Variants in RIPOR1 observed in about 807,000 individuals in gnomAD.
RIPOR1 encodes RHO family interacting cell polarization regulator 1.
A neutral mutation model predicts 116.5 loss-of-function variants in RIPOR1; 58 were observed. That is an observed-to-expected ratio of 0.50 (90% confidence interval 0.40 to 0.62). The LOEUF (loss-of-function observed/expected upper bound fraction) is 0.62. RIPOR1 is among the 20% of genes least tolerant of loss of function. The pLI is 0.00. For synonymous variants in RIPOR1, 605 were observed against 650.0 expected (o/e 0.93, Z 1.05); for missense variants, 1,372 against 1,586.2 (o/e 0.86, Z 2.29).
rs2050966499 is a variant in RIPOR1 at position 67,541,063 on chromosome 16, T to G, written c.801+359T>G. Among the ~76,000 whole-genome samples, 1 of 151,896 alleles carries G rather than the reference T, an allele frequency of 6.6e-6. No homozygotes were observed. The highest frequency in any genetic ancestry group is 2.1e-4 in the South Asian group (1 of 4,820). On this transcript the variant is annotated intron_variant, in intron 10 of 21. Coordinates refer to ENST00000042381, the MANE Select transcript of RIPOR1 (RefSeq NM_024519.4). The surrounding 1 kb of genome is among the most constrained non-coding windows in gnomAD (Gnocchi z 4.6). ...ATCCATGGCTCCATGAGCATGCATG[T>G]GTCTGTCTATCTATCTAGGAGTTGG...
chr16:67,536,687 C>G (rs755525678), intron 1 of RIPOR1, among the ~76,000 whole-genome samples: 1 of 152,038 alleles, frequency 6.6e-6, no homozygotes, highest in Non-Finnish European at 1.5e-5. Context: ...GCATCCAGTT[C>G]CTTCTCTGCA....
At chr16:67,546,071 C>A in intron 20 of RIPOR1, 39 bp downstream of exon 20, 1 of 1,606,722 alleles carries the variant, frequency 6.2e-7, no homozygotes, top group Non-Finnish European at 8.5e-7. Flanking sequence ...TGTCCGCTTC[C>A]GGCACCCCCA....
chr16:67,520,660 GCA>G (rs2050487987), intron 1 of RIPOR1, among the ~76,000 whole-genome samples: 1 of 151,774 alleles, frequency 6.6e-6, no homozygotes, highest in Non-Finnish European at 1.5e-5. Flanking sequence ...AATTAGCTGG[GCA>G]TGGGGTGTGC....
Position 67,529,883 on chromosome 16 carries a change from AC to A in RIPOR1, c.-24+970del, listed in dbSNP as rs1447998562. On this transcript the variant is annotated intron_variant, in intron 1 of 21. Transcript: ENST00000042381. The surrounding 1 kb of genome is among the most constrained non-coding windows in gnomAD (Gnocchi z 4.1). ...AGGTTAGTAGTATTCTCAAGGTCAC[AC>A]AGCTGGTTTGGGAGAAGCGAGGATT... The A allele has an allele frequency of 1.4e-6, 2 of 1,458,994 alleles. No homozygotes were observed. The highest frequency in any genetic ancestry group is 1.9e-6 in the Non-Finnish European group (2 of 1,076,736). The allele number at this position is 1,458,994 out of a possible 1,614,324, so 90.4% of individuals were successfully genotyped here.
rs767917804 is a variant in RIPOR1 at position 67,546,475 on chromosome 16, A to G, written c.*12A>G. ...GCACAGCATTCTAAACTATTCACCC[A>G]TGGGTTCCTGGTGCCCCTTTCCCCC... is the stretch of plus-strand genomic sequence containing the variant. On this transcript the variant is annotated 3_prime_UTR_variant, in exon 22 of 22. Coordinates refer to ENST00000042381, the MANE Select transcript of RIPOR1 (RefSeq NM_024519.4). 155 of 1,608,040 alleles carry G rather than the reference A, an allele frequency of 9.6e-5. No individual in the cohort carries two copies. The highest frequency in any genetic ancestry group is 1.3e-4 in the Non-Finnish European group (150 of 1,175,162).
At chr16:67,519,957 G>A (rs1171571503) in intron 1 of RIPOR1, among the ~76,000 whole-genome samples, 2 of 150,886 alleles carry the variant, frequency 1.3e-5, no homozygotes, top group African/African-American at 4.9e-5. Context: ...AGCTACTCGG[G>A]AGGCTGAGGC....
At position 67,543,379 on chromosome 16, in the gene RIPOR1, C is replaced by T. The variant is rs1208001570; in HGVS notation, c.2510C>T (p.Ser837Phe). The T allele has an allele frequency of 1.3e-6, 2 of 1,599,668 alleles. No individual in the cohort carries two copies. The highest frequency in any genetic ancestry group is 1.7e-5 in the Admixed American group (1 of 57,688). The change falls in exon 14 of 22, where the codon TCC becomes TTC. Residue 837 changes from serine to phenylalanine, a missense_variant. Physicochemically the swap from Ser to Phe is radical, Grantham distance 155 (BLOSUM62 -2). Coordinates refer to ENST00000042381, the MANE Select transcript of RIPOR1 (RefSeq NM_024519.4). This position sits in a 1 kb window ranked among gnomAD's most constrained non-coding sequence, Gnocchi z 4.7. Reference sequence around the variant, plus strand: ...CAAGGTCTGACTCGCAGCCGGGCCTCCAGTCTCAGCATCACTGTGGAGCAT... The same window carrying T: ...CAAGGTCTGACTCGCAGCCGGGCCTTCAGTCTCAGCATCACTGTGGAGCAT... ...QRQGLTRSRA[S>F]SLSITVEHAL...
rs1027951616 is a variant in RIPOR1, at chr16:67,522,067, C to T, written c.-24+3454C>T. 3.3e-5 allele frequency among the ~76,000 whole-genome samples: 5 copies of T among 152,022 alleles called. No individual in the cohort carries two copies. The South Asian group carries it at 6.2e-4, about 19-fold the overall frequency. ...TGTTTGAGACAGAGTCTCGCTCTGT[C>T]GCCAGGCTGGAGTGCAGTGGTGCGA... On this transcript the variant is annotated intron_variant, in intron 1 of 1. Transcript: ENST00000562116.
intron 1 of RIPOR1, among the ~76,000 whole-genome samples, chr16:67,535,622 G>A (rs1305020795): frequency 1.3e-5 from 2 of 152,232 alleles, no homozygotes; most frequent in Non-Finnish European, 2.9e-5. Context: ...CACATGCTTG[G>A]CACAAGGTTG....
At position 67,545,664 on chromosome 16, in the gene RIPOR1, T is replaced by C. The variant is rs1488426488; in HGVS notation, c.3191T>C (p.Val1064Ala). 6.4e-7 allele frequency: 1 copy of C among 1,566,912 alleles called. No homozygotes were observed. Among genetic ancestry groups the C allele is most frequent in the African/African-American group, 1.4e-5 (1 of 73,590 alleles). The change falls in exon 19 of 22, where the codon GTG becomes GCG. Residue 1064 changes from valine to alanine, a missense_variant and splice_region_variant. This residue lies in a region of RIPOR1 where 1,005 missense variants were observed against 1,144.7 expected (regional missense o/e 0.88). Coordinates refer to ENST00000042381, the MANE Select transcript of RIPOR1 (RefSeq NM_024519.4). The surrounding 1 kb of genome is among the most constrained non-coding windows in gnomAD (Gnocchi z 4.8). ...EAYVTETAEE[V>A]LLVRNLNSDD... ...CACCCACCATATCCCCTTTTTTCAG[T>C]GCTACTGGTGCGGAATCTGAACTCG...
chr16:67,543,088 C>T lies in RIPOR1; in HGVS notation c.2302C>T (p.Leu768Phe), dbSNP rs781667886. 8.5e-6 allele frequency: 13 copies of T among 1,522,672 alleles called. No homozygotes were observed. Among genetic ancestry groups the T allele is most frequent in the Admixed American group, 2.2e-5 (1 of 44,796 alleles). 94.3% of individuals were successfully genotyped at this position (1,522,672 alleles called of 1,614,324 possible). The change falls in exon 13 of 22, where the codon CTT becomes TTT. Residue 768 changes from leucine (L) to phenylalanine (F), a missense_variant. By Grantham distance (22) the Leu-to-Phe change is conservative. Coordinates refer to ENST00000042381, the MANE Select transcript of RIPOR1 (RefSeq NM_024519.4). The surrounding 1 kb of genome is among the most constrained non-coding windows in gnomAD (Gnocchi z 4.7). ...PPTPAPQHSD[L>F]CLAMAVQTPV... ...AACCCCTGCACCCCAGCATTCAGAC[C>T]TTTGCCTGGCCATGGCTGTCCAGAC...
Position 67,521,860 on chromosome 16 carries a change from C to T in RIPOR1, c.-24+3247C>T, listed in dbSNP as rs35696436. Among the ~76,000 whole-genome samples, 568 of 152,318 alleles carry T rather than the reference C, an allele frequency of 3.7e-3. 7 individuals are homozygous for T. Among genetic ancestry groups the T allele is most frequent in the African/African-American group, 0.013 (529 of 41,568 alleles). The stretch of plus-strand genomic sequence containing the variant: ...AAAACGATGCCATGTTGATTGCAAA[C>T]CATTATTTGTATGAATAAATACAAA... On this transcript the variant is annotated intron_variant, in intron 1 of 1. Transcript: ENST00000562116.
chr16:67,528,091 G>C (rs879812510), upstream of RIPOR1, among the ~76,000 whole-genome samples: 17 of 151,980 alleles, frequency 1.1e-4, no homozygotes, highest in Admixed American at 9.8e-4. Context: ...TGGGAGGAGC[G>C]GGGGAGTGGA....
chr16:67,541,052 G>A lies in RIPOR1; in HGVS notation c.801+348G>A, dbSNP rs994338529. Among the ~76,000 whole-genome samples, 8 of 151,900 alleles carry A rather than the reference G, an allele frequency of 5.3e-5. No individual in the cohort carries two copies. Among genetic ancestry groups the A allele is most frequent in the African/African-American group, 1.7e-4 (7 of 41,328 alleles). ...CTGCTTCAAGCATCCATGGCTCCAT[G>A]AGCATGCATGTGTCTGTCTATCTAT... On this transcript the variant is annotated intron_variant, in intron 10 of 21. Coordinates refer to ENST00000042381, the MANE Select transcript of RIPOR1 (RefSeq NM_024519.4). This position sits in a 1 kb window ranked among gnomAD's most constrained non-coding sequence, Gnocchi z 4.6.
At position 67,542,621 on chromosome 16, in the gene RIPOR1, C is replaced by T. The variant is rs761011951; in HGVS notation, c.1835C>T (p.Thr612Ile). The part of the protein sequence containing the change: ...THTMPSPTHT[T>I]ASPTHTSTSP... ...ACTATGCCAAGCCCTACCCATACCA[C>T]AGCAAGCCCCACTCATACTTCCACA... Residue 612 changes from threonine to isoleucine, a missense_variant, in exon 13 of 22, where the codon ACA becomes ATA. By Grantham distance (89) the Thr-to-Ile change is moderately conservative. This residue lies in a region of RIPOR1 where 1,005 missense variants were observed against 1,144.7 expected (regional missense o/e 0.88). Coordinates refer to ENST00000042381, the MANE Select transcript of RIPOR1 (RefSeq NM_024519.4). The surrounding 1 kb of genome is among the most constrained non-coding windows in gnomAD (Gnocchi z 4.6). 2.9e-5 allele frequency: 46 copies of T among 1,613,360 alleles called. No individual in the cohort carries two copies. In the South Asian group the frequency reaches 4.4e-4, roughly 15 times the overall value.
At chr16:67,527,811 C>CT (rs1244758624), upstream of RIPOR1, among the ~76,000 whole-genome samples, 1 of 146,698 alleles carries the variant, frequency 6.8e-6, no homozygotes, top group Non-Finnish European at 1.5e-5. Flanking sequence ...GGAGGTGGAG[C>CT]TTGCACTGCA....
upstream of RIPOR1, among the ~76,000 whole-genome samples, chr16:67,523,914 G>A (rs2142393839): frequency 6.6e-6 from 1 of 152,198 alleles, no homozygotes; most frequent in East Asian, 1.9e-4. Flanking sequence ...CTGGGCTGAA[G>A]CCATCCTCCC....
At chr16:67,538,359 C>A in intron 1 of RIPOR1, 65 bp from the exon 2 acceptor site, 2 of 1,509,824 alleles carry the variant, frequency 1.3e-6, no homozygotes, top group South Asian at 1.2e-5. Context: ...AGCCCTGGAT[C>A]CCGCTGCGTG....
upstream of RIPOR1, among the ~76,000 whole-genome samples, chr16:67,525,599 T>G (rs192844585): frequency 3.1e-3 from 475 of 152,152 alleles, 1 homozygote; most frequent in Middle Eastern, 0.017. Context: ...AGCAGTGCCG[T>G]GTGTGAGGAC....
Sources: gnomAD v4.1 joint callset for allele counts (sites outside exome capture counted in the v4.1 genomes callset) on GRCh38, gnomAD v4.1.1 for gene constraint, gnomAD v4.1.1 regional missense constraint, Gnocchi (gnomAD v3.1) non-coding constraint, MANE v1.5 for transcripts, NCBI Gene and HGNC (gene_info 2026-07-23, HGNC 2026-07-21) for gene names.